HYDIN: variants seen among roughly 807,000 people sequenced by gnomAD.
HYDIN encodes the protein axonemal central pair apparatus protein HYDIN.
A neutral mutation model predicts 403.9 loss-of-function variants in HYDIN; 132 were observed. That is an observed-to-expected ratio of 0.33 (90% CI 0.28 to 0.38). The LOEUF is 0.38. Among genes scored for constraint, HYDIN ranks in the 10% least tolerant of loss-of-function variants. The pLI, the probability that HYDIN is intolerant of heterozygous loss-of-function variation, is 1.00. For missense variants in HYDIN, 2,827 were observed against 5,009.5 expected, an observed-to-expected ratio of 0.56 and a Z score of 13.15; for synonymous variants, 1,202 against 1,891.7, an observed-to-expected ratio of 0.64 and a Z score of 9.46.
At chr16:71,045,025 T>C (rs928893343) in intron 18 of HYDIN, among the ~76,000 whole-genome samples, 1 of 151,768 alleles carries the variant, frequency 6.6e-6, no homozygotes, top group African/African-American at 2.4e-5. Context: ...GTGTGCATCC[T>C]TTCAGAGTCC....
intron 45 of HYDIN, among the ~76,000 whole-genome samples, chr16:70,922,227 T>A (rs978769297): frequency 7.2e-5 from 11 of 152,204 alleles, no homozygotes; most frequent in African/African-American, 2.7e-4. Context: ...GCTGGCACGG[T>A]GCCTCATGTG....
intron 12 of HYDIN, among the ~76,000 whole-genome samples, chr16:71,081,378 A>C (rs911664234): frequency 1.2e-4 from 18 of 151,070 alleles, no homozygotes; most frequent in African/African-American, 4.1e-4. Flanking sequence ...TAACGATCTG[A>C]AGTGATTTTA....
chr16:71,173,046 C>T (rs544083871), intron 5 of HYDIN, among the ~76,000 whole-genome samples: 5 of 152,114 alleles, frequency 3.3e-5, no homozygotes, highest in Admixed American at 6.5e-5. Flanking sequence ...ACAGTGAAAG[C>T]GAATGTAGAT....
chr16:70,922,374 G>A (rs1615347), intron 45 of HYDIN, among the ~76,000 whole-genome samples: 1 of 151,980 alleles, frequency 6.6e-6, no homozygotes, highest in Non-Finnish European at 1.5e-5. Context: ...CTGGAGGCTA[G>A]CAGTAAACTA....
At chr16:71,188,919 G>A (rs1328554525) in intron 1 of HYDIN, among the ~76,000 whole-genome samples, 1 of 152,058 alleles carries the variant, frequency 6.6e-6, no homozygotes, top group Admixed American at 6.5e-5. Flanking sequence ...AGAAGCAACA[G>A]TCTGATCATA....
At chr16:70,861,314 T>C (rs2039401853) in intron 69 of HYDIN, among the ~76,000 whole-genome samples, 1 of 151,346 alleles carries the variant, frequency 6.6e-6, no homozygotes, top group Non-Finnish European at 1.5e-5. Context: ...CAAGCTGAGG[T>C]GGCCTAGGTG....
At chr16:71,049,356 G>T (rs1048846772) in intron 18 of HYDIN, among the ~76,000 whole-genome samples, 3 of 152,098 alleles carry the variant, frequency 2.0e-5, no homozygotes, top group Admixed American at 6.6e-5. Flanking sequence ...GGACGTGGTG[G>T]TGTTAAAGTA....
At chr16:71,186,048 A>G (rs2087132131) in intron 2 of HYDIN, among the ~76,000 whole-genome samples, 1 of 152,196 alleles carries the variant, frequency 6.6e-6, no homozygotes, top group Admixed American at 6.5e-5. Context: ...GATTTAAATT[A>G]AAATAATTAG....
At chr16:71,059,615 A>T (rs1275634615) in intron 18 of HYDIN, among the ~76,000 whole-genome samples, 2 of 152,014 alleles carry the variant, frequency 1.3e-5, no homozygotes, top group Admixed American at 6.6e-5. Flanking sequence ...AACAAGAGAC[A>T]CTGGGGCCTA....
At chr16:71,112,498 A>G (rs1265483256) in intron 10 of HYDIN, among the ~76,000 whole-genome samples, 1 of 151,852 alleles carries the variant, frequency 6.6e-6, no homozygotes, top group African/African-American at 2.4e-5. Context: ...ATTAGAAACC[A>G]CAGGGGGGAA....
intron 47 of HYDIN, among the ~76,000 whole-genome samples, chr16:70,916,732 C>T (rs2076851185): frequency 6.6e-6 from 1 of 152,224 alleles, no homozygotes. Flanking sequence ...CCCAATCACA[C>T]TGCCTTTTTA....
intron 1 of HYDIN, among the ~76,000 whole-genome samples, chr16:71,219,362 CT>C (rs2089071391): frequency 6.6e-6 from 1 of 151,854 alleles, no homozygotes; most frequent in African/African-American, 2.4e-5. Flanking sequence ...CAAGAGATTG[CT>C]TTTTCTAGTC....
At chr16:70,836,144 T>A (rs2037411202) in intron 77 of HYDIN, among the ~76,000 whole-genome samples, 1 of 152,178 alleles carries the variant, frequency 6.6e-6, no homozygotes, top group Non-Finnish European at 1.5e-5. Flanking sequence ...GAAGATGGCA[T>A]GTATACATCA....
intron 13 of HYDIN, among the ~76,000 whole-genome samples, chr16:71,078,380 T>G (rs1343648273): frequency 6.6e-6 from 1 of 152,212 alleles, no homozygotes; most frequent in East Asian, 1.9e-4. Flanking sequence ...TTCCCCCAAC[T>G]CATCCATTTC....
chr16:71,217,753 C>G (rs1567465838), intron 1 of HYDIN, among the ~76,000 whole-genome samples: 2 of 152,182 alleles, frequency 1.3e-5, no homozygotes, highest in Non-Finnish European at 2.9e-5. Flanking sequence ...TATTTATGCT[C>G]ATGGCAAACA....
intron 18 of HYDIN, among the ~76,000 whole-genome samples, chr16:71,041,272 T>G (rs1339906977): frequency 6.7e-6 from 1 of 149,038 alleles, no homozygotes; most frequent in East Asian, 1.9e-4. Context: ...TTTTCAACAC[T>G]GCTAGGGGGT....
chr16:70,833,475 T>A (rs541376914), intron 79 of HYDIN, among the ~76,000 whole-genome samples: 10 of 119,558 alleles, frequency 8.4e-5, no homozygotes, highest in Non-Finnish European at 1.7e-4. Context: ...CTGGTTCAGA[T>A]CCTGGGGGAT....
intron 42 of HYDIN, among the ~76,000 whole-genome samples, chr16:70,942,944 G>A (rs1365238483): frequency 1.3e-5 from 2 of 152,028 alleles, no homozygotes; most frequent in African/African-American, 4.8e-5. Flanking sequence ...TCAGTTGAAA[G>A]TGATGTACCT....
intron 18 of HYDIN, among the ~76,000 whole-genome samples, chr16:71,045,275 T>C (rs184334393): frequency 1.8e-4 from 28 of 152,336 alleles, no homozygotes; most frequent in African/African-American, 6.7e-4. Context: ...CTCAAACTCA[T>C]GATTTTCTCA....
Sources: allele counts gnomAD v4.1 joint callset (sites outside exome capture counted in the v4.1 genomes callset), GRCh38; gene constraint gnomAD v4.1.1; transcripts MANE v1.5; gene names NCBI Gene and HGNC (gene_info 2026-07-23, HGNC 2026-07-21).